The following PDE9A variants were observed in gnomAD, a reference collection of about 807,000 sequenced individuals.
The protein encoded by PDE9A is high affinity cGMP-specific 3',5'-cyclic phosphodiesterase 9A.
A neutral mutation model predicts 87.4 loss-of-function variants in PDE9A; 60 were observed. The observed-to-expected ratio is 0.69, with a 90% confidence interval of 0.56 to 0.85. The LOEUF is 0.85. Among genes scored for constraint, PDE9A ranks in the 40% least tolerant of loss-of-function variants. The pLI, the probability that PDE9A is intolerant of heterozygous loss-of-function variation, is 0.00. For synonymous variants in PDE9A, 272 were observed against 279.4 expected, an observed-to-expected ratio of 0.97 and a Z score of 0.27; for missense variants, 665 against 779.0, an observed-to-expected ratio of 0.85 and a Z score of 1.74.
At chr21:42,736,986 C>G (rs2052523851) in intron 7 of PDE9A, among the ~76,000 whole-genome samples, 1 of 152,230 alleles carries the variant, frequency 6.6e-6, no homozygotes, top group Non-Finnish European at 1.5e-5. Context: ...GAGCCTTAAC[C>G]CAAAGATGCA....
chr21:42,699,839 G>T (rs111823533), intron 4 of PDE9A, among the ~76,000 whole-genome samples: 1 of 152,104 alleles, frequency 6.6e-6, no homozygotes, highest in East Asian at 1.9e-4. Context: ...GATTACAGGC[G>T]TGAGCCACAG....
At chr21:42,756,597 C>T (rs1039330851) in intron 10 of PDE9A, among the ~76,000 whole-genome samples, 12 of 151,564 alleles carry the variant, frequency 7.9e-5, no homozygotes, top group Non-Finnish European at 1.2e-4. Flanking sequence ...CTCTATCCTC[C>T]GAGGGCCCAG....
intron 4 of PDE9A, among the ~76,000 whole-genome samples, chr21:42,710,195 G>A (rs1021355157): frequency 6.6e-6 from 1 of 152,074 alleles, no homozygotes; most frequent in South Asian, 2.1e-4. Context: ...ATCACTTGAG[G>A]TCAGGAGTTC....
intron 10 of PDE9A, among the ~76,000 whole-genome samples, chr21:42,756,372 C>A (rs1354390958): frequency 3.9e-5 from 6 of 152,202 alleles, no homozygotes; most frequent in Non-Finnish European, 8.8e-5. Context: ...CATCTGGCCA[C>A]GCATGAGGCA....
chr21:42,742,924 C>T (rs1489244830), intron 7 of PDE9A, among the ~76,000 whole-genome samples: 1 of 152,158 alleles, frequency 6.6e-6, no homozygotes, highest in Non-Finnish European at 1.5e-5. Context: ...GTCAGAATCT[C>T]GTAGTCTCCA....
intron 17 of PDE9A, among the ~76,000 whole-genome samples, chr21:42,769,993 C>G (rs1172529944): frequency 6.6e-6 from 1 of 152,182 alleles, no homozygotes; most frequent in Non-Finnish European, 1.5e-5. Flanking sequence ...CTTCAGGACC[C>G]TGGAGGCAGC....
At chr21:42,741,178 G>A (rs1236523723) in intron 7 of PDE9A, 1 of 152,238 alleles carries the variant, frequency 6.6e-6, no homozygotes, top group Non-Finnish European at 1.5e-5. Context: ...GCTCACGTCA[G>A]TGTCCACGTG....
At chr21:42,748,045 C>T (rs1441969655) in intron 8 of PDE9A, among the ~76,000 whole-genome samples, 1 of 152,204 alleles carries the variant, frequency 6.6e-6, no homozygotes, top group Non-Finnish European at 1.5e-5. Context: ...CTGCTCCCAG[C>T]TCTGGTATCT....
chr21:42,697,402 T>A (rs1193242888), intron 3 of PDE9A: 1 of 1,588,400 alleles, frequency 6.3e-7, no homozygotes, highest in Non-Finnish European at 8.6e-7. Flanking sequence ...ATTCACTGTG[T>A]TTCTTCTTCC....
intron 9 of PDE9A, among the ~76,000 whole-genome samples, chr21:42,751,481 C>T (rs1395553932): frequency 6.6e-6 from 1 of 152,228 alleles, no homozygotes; most frequent in Non-Finnish European, 1.5e-5. Context: ...ACAGTTTTTA[C>T]ACTCAAACGT....
chr21:42,709,116 G>A (rs1602186604), intron 4 of PDE9A, among the ~76,000 whole-genome samples: 1 of 152,168 alleles, frequency 6.6e-6, no homozygotes, highest in Non-Finnish European at 1.5e-5. Context: ...GGAATACTAT[G>A]CAGCCATAAA....
At chr21:42,706,262 A>G (rs2048825189) in intron 4 of PDE9A, among the ~76,000 whole-genome samples, 1 of 152,254 alleles carries the variant, frequency 6.6e-6, no homozygotes, top group Non-Finnish European at 1.5e-5. Context: ...AGTATGAAAA[A>G]GAATATAAAA....
At chr21:42,758,897 A>G (rs2055364329) in intron 10 of PDE9A, 102 bp from the exon 11 acceptor site, 1 of 829,932 alleles carries the variant, frequency 1.2e-6, no homozygotes, top group Non-Finnish European at 2.0e-6. Context: ...CCTCCTGCCA[A>G]CGGCCCTGCT....
At chr21:42,667,839 G>C (rs2058112839) in intron 1 of PDE9A, among the ~76,000 whole-genome samples, 1 of 151,994 alleles carries the variant, frequency 6.6e-6, no homozygotes, top group African/African-American at 2.4e-5. Flanking sequence ...CCCTTCTCAA[G>C]GGACCCAGCA....
At position 42,762,107 on chromosome 21, in the gene PDE9A, G is replaced by A. The variant is rs1347641998; in HGVS notation, c.1110G>A (p.Glu370=). The A allele has an allele frequency of 1.2e-6, 2 of 1,614,004 alleles. No homozygotes were observed. Among genetic ancestry groups the A allele is most frequent in the Non-Finnish European group, 1.7e-6 (2 of 1,180,006 alleles). Reference sequence around the variant, plus strand: ...GGTACCAGATCAATGCCCGCACAGAGCTGGCGGTCCGCTACAATGACATCT... The same window carrying A: ...GGTACCAGATCAATGCCCGCACAGAACTGGCGGTCCGCTACAATGACATCT... ...NNTYQINART[E]LAVRYNDISP... The change falls in exon 14 of 20, where the codon GAG becomes GAA. Residue 370 remains glutamate, a synonymous_variant. Coordinates refer to ENST00000291539, the MANE Select transcript of PDE9A (RefSeq NM_002606.3).
At chr21:42,742,214 CA>C (rs533351263) in intron 7 of PDE9A, among the ~76,000 whole-genome samples, 108 of 152,288 alleles carry the variant, frequency 7.1e-4, no homozygotes, top group African/African-American at 2.5e-3. Flanking sequence ...CCAAGGGGTT[CA>C]CCCTGCCTGC....
chr21:42,763,023 T>G (rs66484525), intron 14 of PDE9A, among the ~76,000 whole-genome samples: 12,717 of 152,222 alleles, frequency 0.084, 780 homozygotes, highest in African/African-American at 0.18. Context: ...GGGGGCTTTA[T>G]GCCTCTCAGG....
At position 42,659,955 on chromosome 21, in the gene PDE9A, G is replaced by A. The variant is rs184063217; in HGVS notation, c.69+6072G>A. On this transcript the variant is annotated intron_variant, in intron 1 of 19. Transcript: ENST00000291539. This position sits in a 1 kb window ranked among gnomAD's most constrained non-coding sequence, Gnocchi z 4.1. ...ATGAGAGATGAAACGGGGACGAGCC[G>A]GGCAGCTGATCTCAGTGCAGCAACT... is the stretch of plus-strand genomic sequence containing the variant. Among the ~76,000 whole-genome samples, 7 of 152,326 alleles carry A rather than the reference G, an allele frequency of 4.6e-5. No homozygotes were observed. In the East Asian group the frequency reaches 5.8e-4, roughly 13 times the overall value.
chr21:42,666,983 C>T (rs560287486), intron 1 of PDE9A, among the ~76,000 whole-genome samples: 2 of 152,340 alleles, frequency 1.3e-5, no homozygotes, highest in Admixed American at 6.5e-5. Context: ...ACCGCCGACT[C>T]GCCCTCCCGG....
Sources: allele counts gnomAD v4.1 joint callset (sites outside exome capture counted in the v4.1 genomes callset), GRCh38; gene constraint gnomAD v4.1.1; non-coding constraint Gnocchi (gnomAD v3.1); transcripts MANE v1.5; gene names NCBI Gene and HGNC (gene_info 2026-07-23, HGNC 2026-07-21).